The following LAMA2 variants were observed in gnomAD, a reference collection of about 807,000 sequenced individuals.
LAMA2 encodes laminin subunit alpha 2, also known as laminin subunit alpha-2.
A neutral mutation model predicts 364.8 loss-of-function variants in LAMA2; 269 were observed. The observed-to-expected ratio is 0.74, with a 90% CI of 0.67 to 0.82. LAMA2 has a LOEUF of 0.82. Ranked by LOEUF, LAMA2 falls within the 40% of genes least tolerant of loss-of-function variation. The pLI is 0.00. For missense variants in LAMA2, 3,807 were observed against 3,873.2 expected, an observed-to-expected ratio of 0.98 and a Z score of 0.45; for synonymous variants, 1,379 against 1,370.6, an observed-to-expected ratio of 1.01 and a Z score of -0.14.
chr6:129,282,253 A>T (rs1788771916), intron 18 of LAMA2, among the ~76,000 whole-genome samples: 1 of 152,226 alleles, frequency 6.6e-6, no homozygotes, highest in Admixed American at 6.5e-5. Flanking sequence ...CAATTTGTTT[A>T]GCTCAGCATT....
At chr6:128,991,781 G>A (rs528729616) in intron 1 of LAMA2, among the ~76,000 whole-genome samples, 101 of 152,214 alleles carry the variant, frequency 6.6e-4, no homozygotes, top group African/African-American at 2.1e-3. Flanking sequence ...TAATTTTTAT[G>A]AAAACTTTCT....
chr6:129,402,342 A>G lies in LAMA2; in HGVS notation c.5581A>G (p.Thr1861Ala). The G allele has an allele frequency of 6.2e-7, 1 of 1,614,004 alleles. No individual in the cohort carries two copies. The change falls in exon 39 of 65, where the codon ACT becomes GCT. Residue 1861 changes from threonine (T) to alanine (A), a missense_variant. Around this residue, in one of 3 missense-constraint regions of LAMA2, gnomAD observed 3,333 missense variants for 3,345.7 expected, o/e 1.00. Coordinates refer to ENST00000421865, the MANE Select transcript of LAMA2 (RefSeq NM_000426.4). ...ATATCAGTATGTTGAAGACATCCAA[A>G]CTAAATTGCCACCTATGTCTGAGGA... ...SIIDYVEDIQ[T>A]KLPPMSEELN...
rs577713395 is a variant in LAMA2 at position 128,930,684 on chromosome 6, T to G, written c.112+47327T>G. Among the ~76,000 whole-genome samples the G allele has an allele frequency of 2.6e-5, 4 of 152,356 alleles. No individual in the cohort carries two copies. The South Asian group carries it at 8.3e-4, about 32-fold the overall frequency. Reference sequence around the variant, plus strand: ...GCATCCTAGCCTGTCCTGACTGATATGATCCCTTAACTGATTTTTCTACTC... The same window carrying G: ...GCATCCTAGCCTGTCCTGACTGATAGGATCCCTTAACTGATTTTTCTACTC... On this transcript the variant is annotated intron_variant, in intron 1 of 64. Transcript: ENST00000421865.
chr6:129,171,491 T>G (rs1780149649), intron 9 of LAMA2, among the ~76,000 whole-genome samples: 1 of 152,194 alleles, frequency 6.6e-6, no homozygotes, highest in Non-Finnish European at 1.5e-5. Context: ...TTAAGAATGT[T>G]GAATATTGGC....
intron 51 of LAMA2, among the ~76,000 whole-genome samples, chr6:129,472,286 A>T (rs1196089631): frequency 6.6e-6 from 1 of 152,014 alleles, no homozygotes; most frequent in Non-Finnish European, 1.5e-5. Flanking sequence ...TTGCTTATTC[A>T]GATCCTACAT....
chr6:129,245,087 T>C (rs1785659477), intron 12 of LAMA2, among the ~76,000 whole-genome samples: 1 of 152,108 alleles, frequency 6.6e-6, no homozygotes, highest in African/African-American at 2.4e-5. Flanking sequence ...GGTAAATTTT[T>C]TCCTGCAGTG....
chr6:129,048,947 A>G (rs539373968), intron 1 of LAMA2, among the ~76,000 whole-genome samples: 1 of 152,198 alleles, frequency 6.6e-6, no homozygotes, highest in South Asian at 2.1e-4. Context: ...TTGAATTGAT[A>G]TAGACCTACT....
intron 59 of LAMA2, 148 bp downstream of exon 59, chr6:129,502,919 T>C (rs2114889888): frequency 2.3e-6 from 2 of 878,348 alleles, no homozygotes; most frequent in East Asian, 2.6e-5. Flanking sequence ...AGAATTTTAT[T>C]TGTCTGAGCC....
At position 129,287,982 on chromosome 6, in the gene LAMA2, A is replaced by C. The variant is rs1453549536; in HGVS notation, c.2673A>C (p.Pro891=). ...SLSGSCLICK[P]GTTGRYCELC... ...CTGGCTCCTGTCTGATATGTAAACCAGGTACAACAGGCCGGTACTGTGAGC... is the reference window on the plus strand; with the variant it reads ...CTGGCTCCTGTCTGATATGTAAACCCGGTACAACAGGCCGGTACTGTGAGC... Residue 891 remains proline (P), a synonymous_variant, in exon 19 of 65, where the codon CCA becomes CCC. Transcript: ENST00000421865. 6.2e-7 allele frequency: 1 copy of C among 1,614,126 alleles called. No individual in the cohort carries two copies. The highest frequency in any genetic ancestry group is 8.5e-7 in the Non-Finnish European group (1 of 1,179,970).
chr6:129,088,811 G>A (rs552233010), intron 3 of LAMA2, among the ~76,000 whole-genome samples: 1 of 151,990 alleles, frequency 6.6e-6, no homozygotes, highest in Admixed American at 6.5e-5. Context: ...TCCGGAAGAG[G>A]CACTCCTCAC....
chr6:129,288,120 T>G (rs1789411665), intron 19 of LAMA2, 62 bp downstream of exon 19: 1 of 1,358,528 alleles, frequency 7.4e-7, no homozygotes, highest in East Asian at 2.3e-5. Flanking sequence ...AAGTAGCTGA[T>G]GAGTTCTTGA....
At chr6:128,995,075 A>T (rs761994412) in intron 1 of LAMA2, among the ~76,000 whole-genome samples, 1 of 152,186 alleles carries the variant, frequency 6.6e-6, no homozygotes, top group African/African-American at 2.4e-5. Flanking sequence ...ATTCTCCTAT[A>T]GATGAATCTC....
chr6:129,465,070 A>G, intron 50 of LAMA2, 75 bp from the exon 51 acceptor site: 1 of 1,239,628 alleles, frequency 8.1e-7, no homozygotes, highest in South Asian at 1.2e-5. Context: ...CCTAACATAA[A>G]CCACACAAGA....
At chr6:129,340,868 A>T (rs1164381164) in intron 29 of LAMA2, among the ~76,000 whole-genome samples, 1 of 150,804 alleles carries the variant, frequency 6.6e-6, no homozygotes, top group African/African-American at 2.5e-5. Flanking sequence ...AAAGAAAAGA[A>T]AAGAAAAGAA....
At chr6:128,963,167 A>G (rs1248258710) in intron 1 of LAMA2, among the ~76,000 whole-genome samples, 1 of 152,060 alleles carries the variant, frequency 6.6e-6, no homozygotes, top group Non-Finnish European at 1.5e-5. Context: ...TCATAACTAG[A>G]TAATCGTTAA....
chr6:128,976,415 T>C (rs961604150), intron 1 of LAMA2, among the ~76,000 whole-genome samples: 10 of 152,146 alleles, frequency 6.6e-5, no homozygotes, highest in East Asian at 1.9e-4. Context: ...TTTGGGAATT[T>C]TGGCATAAAA....
intron 12 of LAMA2, among the ~76,000 whole-genome samples, chr6:129,247,115 C>T (rs1785804079): frequency 6.6e-6 from 1 of 152,040 alleles, no homozygotes; most frequent in Non-Finnish European, 1.5e-5. Flanking sequence ...AGGGGTGCAT[C>T]CTCTAAATTG....
At chr6:129,174,973 A>G (rs971344665) in intron 9 of LAMA2, among the ~76,000 whole-genome samples, 2 of 152,200 alleles carry the variant, frequency 1.3e-5, no homozygotes, top group Non-Finnish European at 2.9e-5. Flanking sequence ...ATTGTTTAAT[A>G]CATGAAGTAC....
chr6:129,510,548 G>A (rs1786489616), intron 62 of LAMA2, among the ~76,000 whole-genome samples: 1 of 152,090 alleles, frequency 6.6e-6, no homozygotes, highest in Non-Finnish European at 1.5e-5. Flanking sequence ...AATATGTGGA[G>A]ATTATGATGG....
Sources: gnomAD v4.1 joint callset for allele counts (sites outside exome capture counted in the v4.1 genomes callset) on GRCh38, gnomAD v4.1.1 for gene constraint, gnomAD v4.1.1 regional missense constraint, MANE v1.5 for transcripts, NCBI Gene and HGNC (gene_info 2026-07-23, HGNC 2026-07-21) for gene names.